The following INO80D variants were observed in gnomAD, a reference collection of about 807,000 sequenced individuals.
INO80D encodes INO80 complex subunit D.
Under a neutral mutation model 87.6 loss-of-function variants are expected in INO80D, and 21 were observed. The ratio of observed to expected loss-of-function variants is 0.24; its 90% CI spans 0.17 to 0.35. INO80D has a LOEUF of 0.35. INO80D is among the 10% of genes least tolerant of loss of function. INO80D has a pLI of 1.00. For missense variants in INO80D, 982 were observed against 1,280.7 expected, an observed-to-expected ratio of 0.77 and a Z score of 3.56; for synonymous variants, 440 against 491.0, an observed-to-expected ratio of 0.90 and a Z score of 1.37.
rs879908341 is a variant in INO80D, at chr2:206,085,595, C to G, written c.-124+306G>C. The G allele has an allele frequency of 2.0e-5, 3 of 149,228 alleles. No individual in the cohort carries two copies. Among genetic ancestry groups the G allele is most frequent in the Admixed American group, 6.7e-5 (1 of 15,024 alleles). The allele number at this position is 149,228 out of a possible 1,614,324, so 9.2% of individuals were successfully genotyped here. ...GCCCGAGGCCTACCGGCGCCCCCCCCTCCCGCCGCACACCCCCACCTGGCC... is the reference window on the plus strand; with the variant it reads ...GCCCGAGGCCTACCGGCGCCCCCCCGTCCCGCCGCACACCCCCACCTGGCC... On this transcript the variant is annotated intron_variant, in intron 1 of 10. Transcript: ENST00000403263. This position sits in a 1 kb window ranked among gnomAD's most constrained non-coding sequence, Gnocchi z 4.5.
chr2:206,057,974 C>G (rs1689572550), intron 3 of INO80D, among the ~76,000 whole-genome samples: 2 of 149,898 alleles, frequency 1.3e-5, no homozygotes, highest in East Asian at 3.9e-4. Flanking sequence ...TCACATATCT[C>G]TGTTTTTCCA....
Position 206,009,679 on chromosome 2 carries a change from C to A in INO80D, c.1658G>T (p.Arg553Leu), listed in dbSNP as rs757979009. 1 of 1,613,972 alleles carries A rather than the reference C, an allele frequency of 6.2e-7. No homozygotes were observed. Among genetic ancestry groups the A allele is most frequent in the Non-Finnish European group, 8.5e-7 (1 of 1,179,882 alleles). The change falls in exon 9 of 11, where the codon CGT (arginine) becomes CTT (leucine). Residue 553 changes from arginine to leucine, a missense_variant. Arg to Leu is a moderately radical substitution (Grantham distance 102). Coordinates refer to ENST00000403263, the MANE Select transcript of INO80D (RefSeq NM_017759.5). ...LTKKHKKKRR[R>L]GPRRPQKPIP... is the part of the protein sequence containing the mutation. ...GGGTTTTTGGGGTCGACGAGGTCCA[C>A]GCCTTCTCTTCTTCTTGTGTTTTTT...
intron 1 of INO80D, among the ~76,000 whole-genome samples, chr2:206,067,575 T>C (rs907974989): frequency 6.6e-6 from 1 of 151,442 alleles, no homozygotes; most frequent in Admixed American, 6.6e-5. Flanking sequence ...CCCACAAATA[T>C]GTACAATTAT....
chr2:206,043,401 A>C (rs551458534), intron 5 of INO80D, among the ~76,000 whole-genome samples: 1 of 151,462 alleles, frequency 6.6e-6, no homozygotes, highest in Non-Finnish European at 1.5e-5. Flanking sequence ...CGAACTCCTG[A>C]CCTCATGATC....
chr2:206,044,481 T>TA (rs55925923), intron 5 of INO80D, among the ~76,000 whole-genome samples: 6,655 of 112,454 alleles, frequency 0.059, 358 homozygotes, highest in Admixed American at 0.14. Context: ...AAATACCTGT[T>TA]AAAAAAAAAA....
rs900527056 is a variant in INO80D, at chr2:206,009,087, A to T, written c.1760+490T>A. On this transcript the variant is annotated intron_variant, in intron 9 of 10. Transcript: ENST00000403263. The stretch of plus-strand genomic sequence containing the variant: ...CACTTTGGGAGGCCGAGGCAGGTGG[A>T]TCACTTGAGGTCAAGAGTTCCAGAC... 5.3e-5 allele frequency among the ~76,000 whole-genome samples: 8 copies of T among 152,344 alleles called. No homozygotes were observed. In the Middle Eastern group the frequency reaches 0.014, roughly 259 times the overall value.
chr2:206,067,077 G>A (rs1019958054), intron 1 of INO80D, among the ~76,000 whole-genome samples: 3 of 124,230 alleles, frequency 2.4e-5, no homozygotes, highest in Non-Finnish European at 5.0e-5. Flanking sequence ...GTGAAATCCT[G>A]TCTCTACTAA....
intron 5 of INO80D, among the ~76,000 whole-genome samples, chr2:206,030,230 T>C (rs948183756): frequency 7.2e-5 from 11 of 152,144 alleles, no homozygotes; most frequent in African/African-American, 2.2e-4. Flanking sequence ...CCCTGCAATT[T>C]TGGGAGGCCA....
chr2:206,052,340 C>T (rs1002376932), intron 4 of INO80D, among the ~76,000 whole-genome samples: 15 of 152,106 alleles, frequency 9.9e-5, no homozygotes, highest in South Asian at 4.2e-4. Context: ...ATTACAGGCA[C>T]GCTCCACCAC....
chr2:206,006,473 G>A (rs1013021418), intron 10 of INO80D, among the ~76,000 whole-genome samples: 2 of 150,038 alleles, frequency 1.3e-5, no homozygotes, highest in Non-Finnish European at 3.0e-5. Flanking sequence ...ACCTGAGGTT[G>A]AGAGTTCGAG....
chr2:206,056,291 A>C lies in INO80D; in HGVS notation c.871T>G (p.Ser291Ala), dbSNP rs774583126. ...CGGCTTATACATGAGAAGTGTGGAG[A>C]GAAGGCTGTGGCTTTCATGAGGATC... is the stretch of plus-strand genomic sequence containing the variant. ...DRILMKATAF[S>A]PHFSCISRLQ... Residue 291 changes from serine (S) to alanine (A), a missense_variant, in exon 4 of 11, where the codon TCT becomes GCT. Coordinates refer to ENST00000403263, the MANE Select transcript of INO80D (RefSeq NM_017759.5). 1 of 1,613,924 alleles carries C rather than the reference A, an allele frequency of 6.2e-7. No individual in the cohort carries two copies. The highest frequency in any genetic ancestry group is 1.1e-5 in the South Asian group (1 of 91,076).
chr2:206,056,412 G>T lies in INO80D; in HGVS notation c.750C>A (p.His250Gln). The change falls in exon 4 of 11, where the codon CAC (histidine) becomes CAA (glutamine). Residue 250 changes from histidine (H) to glutamine (Q), a missense_variant. By Grantham distance (24) the His-to-Gln change is conservative. Coordinates refer to ENST00000403263, the MANE Select transcript of INO80D (RefSeq NM_017759.5). ...ACAACTGCCGTGCTTGTGCTATAGT[G>T]TGTGTGGTGGGTGCCACTCCCTGCA... Reference protein sequence around the residue: ...LPMQGVAPTTHTIAQARQLSH... With the variant: ...LPMQGVAPTTQTIAQARQLSH... 1 of 1,613,964 alleles carries T rather than the reference G, an allele frequency of 6.2e-7. No homozygotes were observed. Among genetic ancestry groups the T allele is most frequent in the Non-Finnish European group, 8.5e-7 (1 of 1,179,890 alleles).
Position 206,017,661 on chromosome 2 carries a change from C to T in INO80D, c.1542+19G>A, listed in dbSNP as rs1322957019. The T allele has an allele frequency of 1.9e-6, 3 of 1,543,024 alleles. No homozygotes were observed. The African/African-American group carries it at 4.1e-5, about 21-fold the overall frequency. On this transcript the variant is annotated intron_variant, in intron 8 of 10. Coordinates refer to ENST00000403263, the MANE Select transcript of INO80D (RefSeq NM_017759.5). ...TGGATAGCTACAAAAAGTTTGAAAG[C>T]CTCTGTTGCAGAACTTACCATTTTT...
intron 1 of INO80D, among the ~76,000 whole-genome samples, chr2:206,080,260 A>G (rs2105912548): frequency 6.6e-6 from 1 of 152,318 alleles, no homozygotes; most frequent in East Asian, 1.9e-4. Flanking sequence ...GAGCCTATCA[A>G]TTCTACAAAC....
rs1425557935 is a variant in INO80D, at chr2:206,007,397, T to G, written c.1805A>C (p.Asp602Ala). The G allele has an allele frequency of 5.6e-6, 9 of 1,613,648 alleles. No individual in the cohort carries two copies. Among genetic ancestry groups the G allele is most frequent in the Non-Finnish European group, 7.6e-6 (9 of 1,179,828 alleles). The change falls in exon 10 of 11, where the codon GAC becomes GCC. Residue 602 changes from aspartate to alanine, a missense_variant. Asp to Ala is a moderately radical substitution (Grantham distance 126, BLOSUM62 -2). Coordinates refer to ENST00000403263, the MANE Select transcript of INO80D (RefSeq NM_017759.5). ...AATGTCAGTGATCTCATTGGCAATG[T>G]CATCCGGCAACTCATCAGCACTCAG... ...PELSADELPD[D>A]IANEITDIPH...
In INO80D at chr2:206,003,558, C is replaced by T. The variant is rs1324682906; in HGVS notation, c.*810G>A. 6.6e-6 allele frequency: 1 copy of T among 152,226 alleles called. No homozygotes were observed. Among genetic ancestry groups the T allele is most frequent in the African/African-American group, 2.4e-5 (1 of 41,458 alleles). The allele number at this position is 152,226 out of a possible 1,614,324, so 9.4% of individuals were successfully genotyped here. ...AATCCAAGCTTTCTATGTTCTGTTT[C>T]TTCTTGGGCTAACTTTTAGCAGAAA... On this transcript the variant is annotated 3_prime_UTR_variant, in exon 11 of 11. Coordinates refer to ENST00000403263, the MANE Select transcript of INO80D (RefSeq NM_017759.5).
chr2:206,068,236 C>A (rs1377004445), intron 1 of INO80D, among the ~76,000 whole-genome samples: 1 of 152,110 alleles, frequency 6.6e-6, no homozygotes, highest in Non-Finnish European at 1.5e-5. Context: ...GTAGCTAGGA[C>A]TACAAGTATG....
chr2:206,061,686 A>C (rs1287984232), intron 3 of INO80D, among the ~76,000 whole-genome samples: 1 of 152,240 alleles, frequency 6.6e-6, no homozygotes, highest in Non-Finnish European at 1.5e-5. Context: ...AATCCCCATT[A>C]AACTATTTGT....
intron 3 of INO80D, among the ~76,000 whole-genome samples, chr2:206,060,732 G>C (rs1689667503): frequency 6.6e-6 from 1 of 151,780 alleles, no homozygotes; most frequent in Non-Finnish European, 1.5e-5. Flanking sequence ...GGCTAATTTT[G>C]TATTTTTAGT....
Sources: gnomAD v4.1 joint callset for allele counts (sites outside exome capture counted in the v4.1 genomes callset) on GRCh38, gnomAD v4.1.1 for gene constraint, Gnocchi (gnomAD v3.1) non-coding constraint, MANE v1.5 for transcripts, NCBI Gene and HGNC (gene_info 2026-07-23, HGNC 2026-07-21) for gene names.